NCOA2: variants seen among roughly 807,000 people sequenced by gnomAD.
The protein encoded by NCOA2 is class E basic helix-loop-helix protein 75.
In NCOA2, 21 loss-of-function variants were observed where a neutral mutation model predicts 145.1. That is an observed-to-expected ratio of 0.14 (90% CI 0.10 to 0.21). The LOEUF (loss-of-function observed/expected upper bound fraction) is 0.21. Ranked by LOEUF, NCOA2 falls within the 10% of genes least tolerant of loss-of-function variation. NCOA2 has a pLI of 1.00. For missense variants in NCOA2, 1,472 were observed against 1,837.6 expected (o/e 0.80, Z 3.64); for synonymous variants, 619 against 637.5 (o/e 0.97, Z 0.44).
rs1161948080 is a variant in NCOA2 at position 70,138,305 on chromosome 8, C to T, written c.3056G>A (p.Gly1019Glu). ...IGPSELEMNM[G>E]GPQYSQQQAP... ...TTGTTGTTGGCTATACTGAGGTCCC[C>T]CCATGTTCATCTCTAATTCAGATGG... Residue 1019 changes from glycine to glutamate, a missense_variant, in exon 15 of 23, where the codon GGG becomes GAG. Gly to Glu is a moderately conservative substitution (Grantham distance 98). This residue lies in a region of NCOA2 where 953 missense variants were observed against 1,062.1 expected (regional missense o/e 0.90). Transcript: ENST00000452400. 1.2e-6 allele frequency: 2 copies of T among 1,612,362 alleles called. No individual in the cohort carries two copies. The highest frequency in any genetic ancestry group is 1.1e-5 in the South Asian group (1 of 90,712).
At chr8:70,148,587 AT>A in intron 11 of NCOA2, 104 bp from the exon 12 acceptor site, 1 of 961,456 alleles carries the variant, frequency 1.0e-6, no homozygotes. Flanking sequence ...CCACAGCCAA[AT>A]AAAATAGGTA....
chr8:70,288,119 A>G (rs1178337652), intron 2 of NCOA2, among the ~76,000 whole-genome samples: 1 of 152,136 alleles, frequency 6.6e-6, no homozygotes, highest in Non-Finnish European at 1.5e-5. Context: ...CAGCTACATC[A>G]TAGGTTTGAG....
intron 1 of NCOA2, among the ~76,000 whole-genome samples, chr8:70,358,191 G>A (rs572190741): frequency 2.6e-5 from 4 of 152,302 alleles, no homozygotes; most frequent in Non-Finnish European, 5.9e-5. Context: ...AATACCCAAA[G>A]TGATCTAAAG....
the NCOA2 span, among the ~76,000 whole-genome samples, chr8:70,449,299 T>C: frequency 2.0e-5 from 3 of 152,208 alleles, no homozygotes; most frequent in African/African-American, 7.2e-5. Context: ...CCACAAATAC[T>C]TGTTAAGCAC....
chr8:70,421,326 G>A, the NCOA2 span, among the ~76,000 whole-genome samples: 1 of 152,072 alleles, frequency 6.6e-6, no homozygotes, highest in Non-Finnish European at 1.5e-5. Context: ...CAGGGTAGGA[G>A]AATCACTTGA....
chr8:70,218,833 A>G (rs985983679), intron 2 of NCOA2, among the ~76,000 whole-genome samples: 1 of 152,240 alleles, frequency 6.6e-6, no homozygotes, highest in African/African-American at 2.4e-5. Context: ...CCTTCAATAT[A>G]CAGCATAGCA....
chr8:70,304,861 T>C (rs1188669451), intron 1 of NCOA2, among the ~76,000 whole-genome samples: 1 of 149,950 alleles, frequency 6.7e-6, no homozygotes, highest in Non-Finnish European at 1.5e-5. Context: ...ACTAGCTTTT[T>C]TTTTTTTTTT....
intron 22 of NCOA2, among the ~76,000 whole-genome samples, chr8:70,119,926 A>G (rs1807609398): frequency 6.6e-6 from 1 of 151,322 alleles, no homozygotes; most frequent in Non-Finnish European, 1.5e-5. Flanking sequence ...CTGGAGTGCA[A>G]TGGCATGGTC....
chr8:70,172,155 A>G (rs1814326520), intron 5 of NCOA2, among the ~76,000 whole-genome samples: 1 of 151,706 alleles, frequency 6.6e-6, no homozygotes, highest in Non-Finnish European at 1.5e-5. Context: ...AAAGGAACTC[A>G]CTATGCTGCC....
intron 1 of NCOA2, among the ~76,000 whole-genome samples, chr8:70,375,257 ATTAG>A (rs991145064): frequency 2.0e-5 from 3 of 152,222 alleles, no homozygotes; most frequent in Non-Finnish European, 2.9e-5. Flanking sequence ...TTTGTGTGCT[ATTAG>A]TTAAACTGAT....
intron 4 of NCOA2, among the ~76,000 whole-genome samples, chr8:70,178,198 C>T (rs1278804261): frequency 6.6e-6 from 1 of 152,134 alleles, no homozygotes; most frequent in East Asian, 1.9e-4. Context: ...AGACTTTTGT[C>T]AGAGGTTATG....
At chr8:70,308,977 T>TAGC (rs1828098559) in intron 1 of NCOA2, among the ~76,000 whole-genome samples, 1 of 152,150 alleles carries the variant, frequency 6.6e-6, no homozygotes, top group Non-Finnish European at 1.5e-5. Context: ...CAAGAGAATA[T>TAGC]AGCAGCAGCA....
chr8:70,199,332 TC>T (rs1817656081), intron 4 of NCOA2, among the ~76,000 whole-genome samples: 1 of 151,424 alleles, frequency 6.6e-6, no homozygotes, highest in South Asian at 2.1e-4. Context: ...GTGCCTGTAG[TC>T]CCAGCTACTC....
intron 9 of NCOA2, among the ~76,000 whole-genome samples, chr8:70,160,659 CAG>C (rs776025101): frequency 1.1e-4 from 15 of 132,226 alleles, no homozygotes; most frequent in Middle Eastern, 4.0e-3. Context: ...AAGTGAGAGA[CAG>C]AGAGAGAGAG....
intron 2 of NCOA2, among the ~76,000 whole-genome samples, chr8:70,271,812 C>T (rs1175724406): frequency 6.6e-6 from 1 of 152,196 alleles, no homozygotes; most frequent in East Asian, 1.9e-4. Flanking sequence ...GCCCTCAACC[C>T]ACATGTTTGC....
intron 1 of NCOA2, among the ~76,000 whole-genome samples, chr8:70,395,299 G>A (rs1813552516): frequency 6.6e-6 from 1 of 152,170 alleles, no homozygotes; most frequent in Non-Finnish European, 1.5e-5. Context: ...TCAGCTACTG[G>A]AGTCTGGTCT....
At chr8:70,437,565 G>A in the NCOA2 span, among the ~76,000 whole-genome samples, 3 of 152,208 alleles carry the variant, frequency 2.0e-5, no homozygotes, top group African/African-American at 4.8e-5. Flanking sequence ...CATACAAATT[G>A]TCCAAAAGTG....
the NCOA2 span, among the ~76,000 whole-genome samples, chr8:70,408,827 G>A: frequency 3.7e-5 from 5 of 136,218 alleles, no homozygotes; most frequent in South Asian, 2.3e-4. Flanking sequence ...GGGTTTCACC[G>A]TCTTACCCAG....
intron 1 of NCOA2, among the ~76,000 whole-genome samples, chr8:70,341,362 A>G (rs1808128863): frequency 6.6e-6 from 1 of 152,184 alleles, no homozygotes; most frequent in Non-Finnish European, 1.5e-5. Context: ...ACTCCAGCCC[A>G]GGTGACAGAG....
Sources: allele counts gnomAD v4.1 joint callset (sites outside exome capture counted in the v4.1 genomes callset), GRCh38; gene constraint gnomAD v4.1.1; regional missense constraint gnomAD v4.1.1; transcripts MANE v1.5; gene names NCBI Gene and HGNC (gene_info 2026-07-23, HGNC 2026-07-21).